The following NAV2 variants were observed in gnomAD, a reference collection of about 807,000 sequenced individuals.
The protein encoded by NAV2 is helicase, APC down-regulated 1.
A neutral mutation model predicts 223.2 loss-of-function variants in NAV2; 54 were observed. The ratio of observed to expected loss-of-function variants is 0.24; its 90% CI spans 0.19 to 0.30. NAV2 has a LOEUF of 0.30. Ranked by LOEUF, NAV2 falls within the 10% of genes least tolerant of loss-of-function variation. NAV2 has a pLI of 1.00. For synonymous variants in NAV2, 1,279 were observed against 1,239.3 expected, an observed-to-expected ratio of 1.03 and a Z score of -0.67; for missense variants, 2,806 against 3,147.5, an observed-to-expected ratio of 0.89 and a Z score of 2.60.
chr11:19,491,761 T>C (rs1165222944), intron 1 of NAV2, among the ~76,000 whole-genome samples: 5 of 152,238 alleles, frequency 3.3e-5, no homozygotes, highest in Admixed American at 3.3e-4. Context: ...TTGGCTGTTT[T>C]GTGCAAAAAG....
At chr11:19,603,952 G>A (rs1170877344) in intron 1 of NAV2, among the ~76,000 whole-genome samples, 2 of 152,130 alleles carry the variant, frequency 1.3e-5, no homozygotes, top group Non-Finnish European at 2.9e-5. Flanking sequence ...AGAGGGAATG[G>A]CATGTGCAAA....
At chr11:19,671,497 C>G (rs2048569465) in intron 1 of NAV2, among the ~76,000 whole-genome samples, 1 of 152,248 alleles carries the variant, frequency 6.6e-6, no homozygotes, top group African/African-American at 2.4e-5. Context: ...ATGATGTGCT[C>G]CCTCCCCTGT....
rs1590631434 is a variant in NAV2, at chr11:19,802,910, A to C, written c.268-29574A>C. Among the ~76,000 whole-genome samples, 4 of 152,250 alleles carry C rather than the reference A, an allele frequency of 2.6e-5. No individual in the cohort carries two copies. The South Asian group carries it at 8.3e-4, about 32-fold the overall frequency. On this transcript the variant is annotated intron_variant, in intron 1 of 37. Coordinates refer to ENST00000349880, the MANE Select transcript of NAV2 (RefSeq NM_145117.5). ...AAGCCATTAACCCTAACTAGGAAAA[A>C]CAGACAGAGGGGAGCAGCTGCTTCC...
At chr11:19,640,603 C>T (rs7109764) in intron 1 of NAV2, among the ~76,000 whole-genome samples, 2,562 of 152,118 alleles carry the variant, frequency 0.017, 85 homozygotes, top group African/African-American at 0.059. Flanking sequence ...TATGGTGTTA[C>T]CCATCTTCTA....
At chr11:19,574,347 T>C (rs1299018138) in intron 1 of NAV2, among the ~76,000 whole-genome samples, 1 of 152,228 alleles carries the variant, frequency 6.6e-6, no homozygotes, top group Non-Finnish European at 1.5e-5. Context: ...AGAGGTTTCA[T>C]TCAGTAACCA....
intron 1 of NAV2, among the ~76,000 whole-genome samples, chr11:19,727,832 G>A (rs1352800819): frequency 1.3e-5 from 2 of 152,224 alleles, no homozygotes; most frequent in Admixed American, 1.3e-4. Context: ...CACCACAGGT[G>A]GAGGAAGAGG....
intron 1 of NAV2, among the ~76,000 whole-genome samples, chr11:19,806,857 G>T (rs1163504220): frequency 6.6e-6 from 1 of 152,192 alleles, no homozygotes; most frequent in African/African-American, 2.4e-5. Flanking sequence ...TCCTCTTTCG[G>T]AGATAATTAT....
chr11:19,610,939 C>A (rs941092697), intron 1 of NAV2, among the ~76,000 whole-genome samples: 2 of 151,108 alleles, frequency 1.3e-5, no homozygotes, highest in Non-Finnish European at 3.0e-5. Flanking sequence ...AGGCTCAGCC[C>A]AGCCCCTTCC....
intron 1 of NAV2, among the ~76,000 whole-genome samples, chr11:19,434,368 C>T (rs1314658126): frequency 6.6e-6 from 1 of 152,106 alleles, no homozygotes; most frequent in Non-Finnish European, 1.5e-5. Context: ...TGATGGAGAA[C>T]TGAAGCATTT....
At chr11:19,570,399 A>G (rs12293415) in intron 1 of NAV2, among the ~76,000 whole-genome samples, 5,291 of 152,324 alleles carry the variant, frequency 0.035, 172 homozygotes, top group East Asian at 0.1. Flanking sequence ...GGATTTGGCA[A>G]TGGATTGTTA....
intron 1 of NAV2, among the ~76,000 whole-genome samples, chr11:19,725,087 A>G (rs1027894015): frequency 3.3e-5 from 5 of 152,260 alleles, no homozygotes; most frequent in Admixed American, 1.3e-4. Flanking sequence ...CTGAGCACTT[A>G]CTATGTGCTT....
chr11:19,623,347 T>A (rs1165504987), intron 1 of NAV2, among the ~76,000 whole-genome samples: 1 of 152,206 alleles, frequency 6.6e-6, no homozygotes, highest in Non-Finnish European at 1.5e-5. Flanking sequence ...CTGGATAATA[T>A]CCTGCAGAGT....
intron 1 of NAV2, among the ~76,000 whole-genome samples, chr11:19,551,534 C>G (rs1465796947): frequency 6.6e-6 from 1 of 152,254 alleles, no homozygotes; most frequent in Non-Finnish European, 1.5e-5. Flanking sequence ...CACAGCCCAC[C>G]AGGTGTGTGC....
chr11:19,725,364 G>T (rs1352892589), intron 1 of NAV2, among the ~76,000 whole-genome samples: 2 of 152,212 alleles, frequency 1.3e-5, no homozygotes, highest in Non-Finnish European at 2.9e-5. Context: ...TGAGGGTGGG[G>T]AAGAGAGACA....
At chr11:19,428,335 A>G (rs1850915591) in intron 1 of NAV2, among the ~76,000 whole-genome samples, 1 of 152,160 alleles carries the variant, frequency 6.6e-6, no homozygotes, top group South Asian at 2.1e-4. Flanking sequence ...GGCTTATCTC[A>G]GTACTGGGCT....
chr11:19,832,088 C>T (rs1309030366), intron 1 of NAV2, among the ~76,000 whole-genome samples: 1 of 152,106 alleles, frequency 6.6e-6, no homozygotes, highest in Non-Finnish European at 1.5e-5. Flanking sequence ...TGGTAACCTC[C>T]CCATACGTTT....
At chr11:20,005,680 G>A (rs1239244847) in intron 11 of NAV2, among the ~76,000 whole-genome samples, 5 of 152,188 alleles carry the variant, frequency 3.3e-5, no homozygotes, top group Non-Finnish European at 7.3e-5. Context: ...GTGCCAGGCA[G>A]TGAGCTGAAT....
Position 19,760,999 on chromosome 11 carries a change from A to T in NAV2, c.267+47037A>T, listed in dbSNP as rs182726825. Among the ~76,000 whole-genome samples, 679 of 152,248 alleles carry T rather than the reference A, an allele frequency of 4.5e-3. 4 individuals are homozygous for T. Among genetic ancestry groups the T allele is most frequent in the African/African-American group, 0.016 (647 of 41,554 alleles). The stretch of plus-strand genomic sequence containing the variant: ...GTTTCGGGGAATAAAGAAAAGGAAT[A>T]CCCCATTGGGAGTGCTGTTCTTTGA... On this transcript the variant is annotated intron_variant, in intron 1 of 37. Transcript: ENST00000349880.
chr11:20,094,861 A>T (rs1272161585), intron 29 of NAV2, among the ~76,000 whole-genome samples: 1 of 152,142 alleles, frequency 6.6e-6, no homozygotes, highest in Non-Finnish European at 1.5e-5. Context: ...CCTCCACCCA[A>T]CCACGCTCCT....
Sources: gnomAD v4.1 joint callset for allele counts (sites outside exome capture counted in the v4.1 genomes callset) on GRCh38, gnomAD v4.1.1 for gene constraint, MANE v1.5 for transcripts, NCBI Gene and HGNC (gene_info 2026-07-23, HGNC 2026-07-21) for gene names.